MMP26: variants seen among roughly 807,000 people sequenced by gnomAD.
MMP26 encodes matrix metalloproteinase-26.
Under a neutral mutation model 31.0 loss-of-function variants are expected in MMP26, and 33 were observed. That is an observed-to-expected ratio of 1.06 (90% CI 0.81 to 1.42). The LOEUF (loss-of-function observed/expected upper bound fraction) is 1.42. Among genes scored for constraint, MMP26 ranks in the 40% most tolerant of loss-of-function variants. The probability of loss-of-function intolerance (pLI) is 0.00; values close to 1 mark genes in which losing one functional copy is unlikely to be tolerated. For synonymous variants in MMP26, 122 were observed against 114.9 expected (o/e 1.06, Z -0.40); for missense variants, 347 against 316.1 (o/e 1.10, Z -0.74).
At chr11:4,817,025 A>G (rs2133467394) in intron 2 of MMP26, among the ~76,000 whole-genome samples, 1 of 152,010 alleles carries the variant, frequency 6.6e-6, no homozygotes, top group Middle Eastern at 3.4e-3. Flanking sequence ...TTGATGTGTC[A>G]TTATTTTTCT....
chr11:4,868,100 G>A (rs1850261482), intron 2 of MMP26, among the ~76,000 whole-genome samples: 1 of 152,102 alleles, frequency 6.6e-6, no homozygotes. Flanking sequence ...CAAGGACATG[G>A]ATGGAGCTGG....
At chr11:4,905,590 GTCT>G (rs995773107) in intron 2 of MMP26, among the ~76,000 whole-genome samples, 29 of 152,140 alleles carry the variant, frequency 1.9e-4, no homozygotes, top group African/African-American at 6.5e-4. Context: ...AGGATAGCTT[GTCT>G]TCTTCTCTCT....
At chr11:4,975,634 GC>G (rs1346728851) in intron 2 of MMP26, among the ~76,000 whole-genome samples, 1 of 152,038 alleles carries the variant, frequency 6.6e-6, no homozygotes, top group African/African-American at 2.4e-5. Flanking sequence ...ACCTTTCGCT[GC>G]TTGAGATCAT....
intron 2 of MMP26, chr11:4,946,168 C>T (rs1846298492): frequency 6.2e-7 from 1 of 1,613,610 alleles, no homozygotes; most frequent in African/African-American, 1.3e-5. Context: ...GTTAAATCTT[C>T]CGTTGACACA....
intron 2 of MMP26, among the ~76,000 whole-genome samples, chr11:4,898,137 C>G (rs1300894051): frequency 1.3e-5 from 2 of 151,490 alleles, no homozygotes; most frequent in African/African-American, 4.8e-5. Flanking sequence ...GGCTTTGTCT[C>G]TCTGCAAACA....
At chr11:4,742,965 C>A (rs1464060900) in intron 1 of MMP26, among the ~76,000 whole-genome samples, 4 of 152,058 alleles carry the variant, frequency 2.6e-5, no homozygotes, top group African/African-American at 9.7e-5. Context: ...ACTCTTTCAT[C>A]TATTGAAAAA....
chr11:4,880,924 G>A (rs540387665), intron 2 of MMP26, among the ~76,000 whole-genome samples: 15 of 152,248 alleles, frequency 9.9e-5, no homozygotes, highest in Admixed American at 1.3e-4. Context: ...CCAGAAAATA[G>A]GGATGTTGAC....
chr11:4,824,764 C>T (rs1364735998), intron 2 of MMP26, among the ~76,000 whole-genome samples: 6 of 152,090 alleles, frequency 3.9e-5, no homozygotes, highest in East Asian at 3.8e-4. Context: ...TTGAAACAAC[C>T]GTCTCAGTAG....
chr11:4,883,605 A>G (rs16906907), intron 2 of MMP26, among the ~76,000 whole-genome samples: 1,827 of 152,160 alleles, frequency 0.012, 28 homozygotes, highest in African/African-American at 0.04. Context: ...TCCTGATTCC[A>G]TAGCTACTCC....
At chr11:4,952,153 C>A (rs1846380328) in intron 2 of MMP26, among the ~76,000 whole-genome samples, 1 of 124,984 alleles carries the variant, frequency 8.0e-6, no homozygotes, top group African/African-American at 2.7e-5. Flanking sequence ...TAAATCATCA[C>A]CTCCCCCATA....
chr11:4,905,869 T>C (rs1369394935), intron 2 of MMP26, among the ~76,000 whole-genome samples: 4 of 152,174 alleles, frequency 2.6e-5, no homozygotes, highest in Non-Finnish European at 5.9e-5. Context: ...TAAAAGAGAC[T>C]CTAAAATAAA....
intron 2 of MMP26, among the ~76,000 whole-genome samples, chr11:4,879,308 T>C (rs1850426562): frequency 6.6e-6 from 1 of 152,144 alleles, no homozygotes; most frequent in Non-Finnish European, 1.5e-5. Flanking sequence ...CTACTGTGAA[T>C]AGTTGGATTC....
chr11:4,809,487 A>G (rs1359297728), intron 2 of MMP26, among the ~76,000 whole-genome samples: 1 of 152,228 alleles, frequency 6.6e-6, no homozygotes, highest in Non-Finnish European at 1.5e-5. Flanking sequence ...ATGTGAGAAT[A>G]GTTAAGTTCA....
intron 5 of MMP26, 45 bp downstream of exon 5, chr11:4,990,791 A>G (rs750545782): frequency 6.3e-6 from 10 of 1,575,860 alleles, no homozygotes; most frequent in South Asian, 1.2e-5. Context: ...TGCCCTGTGT[A>G]AAGGACAAAG....
chr11:4,835,800 C>G (rs2133484351), intron 2 of MMP26, among the ~76,000 whole-genome samples: 1 of 152,260 alleles, frequency 6.6e-6, no homozygotes, highest in Admixed American at 6.5e-5. Flanking sequence ...AAGAAACTTC[C>G]AGCTATAAAG....
At chr11:4,860,629 A>G in intron 2 of MMP26, 1 of 389,906 alleles carries the variant, frequency 2.6e-6, no homozygotes, top group Non-Finnish European at 5.1e-6. Flanking sequence ...AATTGAATAT[A>G]TATTCTCATA....
At chr11:4,836,591 G>GT (rs1589915578) in intron 2 of MMP26, among the ~76,000 whole-genome samples, 2 of 145,342 alleles carry the variant, frequency 1.4e-5, no homozygotes, top group South Asian at 2.3e-4. Context: ...AAAAACTATT[G>GT]TAACAATTTT....
intron 2 of MMP26, among the ~76,000 whole-genome samples, chr11:4,910,373 G>T (rs1850972633): frequency 6.6e-6 from 1 of 151,998 alleles, no homozygotes; most frequent in South Asian, 2.1e-4. Flanking sequence ...TTAAGGTTTT[G>T]AATCTTAATC....
intron 2 of MMP26, among the ~76,000 whole-genome samples, chr11:4,904,814 C>A (rs1475437600): frequency 6.6e-6 from 1 of 152,118 alleles, no homozygotes; most frequent in African/African-American, 2.4e-5. Context: ...TTCTTCCATT[C>A]ACATTTATTC....
Sources: gnomAD v4.1 joint callset for allele counts (sites outside exome capture counted in the v4.1 genomes callset) on GRCh38, gnomAD v4.1.1 for gene constraint, MANE v1.5 for transcripts, NCBI Gene and HGNC (gene_info 2026-07-23, HGNC 2026-07-21) for gene names.